MTA3: variants seen among roughly 807,000 people sequenced by gnomAD.
MTA3 encodes the protein metastasis associated 1 family member 3.
A neutral mutation model predicts 83.5 loss-of-function variants in MTA3; 34 were observed. The observed-to-expected ratio is 0.41, with a 90% CI of 0.31 to 0.54. MTA3 has a LOEUF of 0.54. Ranked by LOEUF, MTA3 falls within the 20% of genes least tolerant of loss-of-function variation. MTA3 has a pLI of 0.33. For synonymous variants in MTA3, 303 were observed against 252.7 expected (o/e 1.20, Z -1.89); for missense variants, 761 against 726.4 (o/e 1.05, Z -0.55).
intron 16 of MTA3, among the ~76,000 whole-genome samples, chr2:42,731,119 TATTG>T (rs1338535446): frequency 1.3e-5 from 2 of 152,212 alleles, no homozygotes; most frequent in African/African-American, 4.8e-5. Context: ...GCTAAAGGTT[TATTG>T]ATTTTGTTTA....
chr2:42,651,704 C>T (rs752644751), intron 6 of MTA3, among the ~76,000 whole-genome samples: 1 of 150,036 alleles, frequency 6.7e-6, no homozygotes, highest in East Asian at 2.0e-4. Flanking sequence ...AGGCTGAGGC[C>T]GGAGAATCAC....
intron 4 of MTA3, among the ~76,000 whole-genome samples, chr2:42,620,533 C>T (rs1471768216): frequency 6.6e-6 from 1 of 152,178 alleles, no homozygotes; most frequent in Non-Finnish European, 1.5e-5. Context: ...CGCTCTGTTG[C>T]TCAGGCTAGA....
chr2:42,710,405 G>A (rs1666496682), intron 14 of MTA3, among the ~76,000 whole-genome samples: 1 of 152,152 alleles, frequency 6.6e-6, no homozygotes, highest in South Asian at 2.1e-4. Flanking sequence ...ACAAAAATTA[G>A]CCAGGCGTGG....
At chr2:42,568,003 C>G (rs2103815192), upstream of MTA3, 1 of 152,326 alleles carries the variant, frequency 6.6e-6, no homozygotes, top group East Asian at 1.9e-4. Context: ...TTAGGGTGGC[C>G]TAGGAAGGGA....
chr2:42,524,175 A>T (rs1675559903), intron 2 of MTA3, among the ~76,000 whole-genome samples: 2 of 152,164 alleles, frequency 1.3e-5, no homozygotes. Context: ...CATTGGAGAC[A>T]CAAAGTAGTT....
intron 15 of MTA3, among the ~76,000 whole-genome samples, chr2:42,719,818 T>C (rs1448910791): frequency 3.3e-5 from 5 of 152,186 alleles, no homozygotes; most frequent in Non-Finnish European, 5.9e-5. Context: ...CAATTAAGAA[T>C]AGTATACAAA....
intron 6 of MTA3, among the ~76,000 whole-genome samples, chr2:42,648,116 C>T (rs1442408617): frequency 6.6e-6 from 1 of 152,252 alleles, no homozygotes; most frequent in African/African-American, 2.4e-5. Context: ...GCTGGGATTA[C>T]AGGCATGAGC....
At chr2:42,645,833 C>T (rs1289655594) in intron 6 of MTA3, among the ~76,000 whole-genome samples, 2 of 152,158 alleles carry the variant, frequency 1.3e-5, no homozygotes, top group Admixed American at 6.5e-5. Flanking sequence ...AGCTGCAGCA[C>T]GTTATCCAAA....
In MTA3 at chr2:42,708,962, C is replaced by T; in HGVS notation, c.1391C>T (p.Thr464Ile). ...GGGAGTCCAAAGTCTGCAGTGAAGA[C>T]CCGCCAAGCTTTCTTCCTTCATACT... ...NTGSPKSAVK[T>I]RQAFFLHTTY... The change falls in exon 14 of 17, where the codon ACC becomes ATC. Residue 464 changes from threonine (T) to isoleucine (I), a missense_variant. By Grantham distance (89) the Thr-to-Ile change is moderately conservative (BLOSUM62 -1). Transcript: ENST00000405094. 6.2e-7 allele frequency: 1 copy of T among 1,614,034 alleles called. No individual in the cohort carries two copies. Among genetic ancestry groups the T allele is most frequent in the Non-Finnish European group, 8.5e-7 (1 of 1,179,892 alleles).
Position 42,639,135 on chromosome 2 carries a change from A to G in MTA3, c.318-1038A>G, listed in dbSNP as rs554492319. ...GAGTGCAGTGGCACGATCTCGGCTCACTGCAACCTCTGCCTCTGGGGTTCA... is the reference window on the plus strand; with the variant it reads ...GAGTGCAGTGGCACGATCTCGGCTCGCTGCAACCTCTGCCTCTGGGGTTCA... On this transcript the variant is annotated intron_variant, in intron 4 of 16. Coordinates refer to ENST00000405094, the MANE Select transcript of MTA3 (RefSeq NM_001330442.2). Among the ~76,000 whole-genome samples the G allele has an allele frequency of 2.0e-5, 3 of 148,240 alleles. No homozygotes were observed. In the South Asian group the frequency reaches 6.3e-4, roughly 31 times the overall value.
Position 42,722,989 on chromosome 2 carries a change from G to T in MTA3, c.1713G>T (p.Leu571=). The T allele has an allele frequency of 6.4e-7, 1 of 1,551,072 alleles. No homozygotes were observed. Among genetic ancestry groups the T allele is most frequent in the Non-Finnish European group, 8.7e-7 (1 of 1,147,102 alleles). The change falls in exon 16 of 17, where the codon CTG becomes CTT. Residue 571 remains leucine, a synonymous_variant. Coordinates refer to ENST00000405094, the MANE Select transcript of MTA3 (RefSeq NM_001330442.2). ...RMLTTPNHTS[L]SILGKRNYSH... Reference sequence around the variant, plus strand: ...TAACAACTCCAAATCACACATCTCTGAGCATTCTGGGGAAAAGAAACTACA... The same window carrying T: ...TAACAACTCCAAATCACACATCTCTTAGCATTCTGGGGAAAAGAAACTACA...
chr2:42,742,909 A>T (rs1206960698), intron 16 of MTA3, among the ~76,000 whole-genome samples: 1 of 152,202 alleles, frequency 6.6e-6, no homozygotes, highest in East Asian at 1.9e-4. Flanking sequence ...TTATATTCCA[A>T]TGGATGTTTG....
chr2:42,570,588 G>C, intron 2 of MTA3, 84 bp downstream of exon 2: 2 of 732,924 alleles, frequency 2.7e-6, no homozygotes, highest in Non-Finnish European at 2.1e-6. Context: ...GGCCTGGTGT[G>C]GGGGCTCATG....
chr2:42,651,325 C>T (rs1688696691), intron 6 of MTA3, among the ~76,000 whole-genome samples: 1 of 152,182 alleles, frequency 6.6e-6, no homozygotes, highest in South Asian at 2.1e-4. Context: ...TTAGGCTATA[C>T]TAATTTTATT....
intron 2 of MTA3, among the ~76,000 whole-genome samples, chr2:42,547,308 C>G (rs1168023751): frequency 6.6e-6 from 1 of 152,152 alleles, no homozygotes; most frequent in Non-Finnish European, 1.5e-5. Context: ...GAACAGCTGG[C>G]TTGGTTACAG....
intron 3 of MTA3, among the ~76,000 whole-genome samples, chr2:42,597,870 C>T (rs1453247958): frequency 1.3e-5 from 2 of 149,122 alleles, no homozygotes; most frequent in African/African-American, 4.9e-5. Flanking sequence ...TTTGTAGAGA[C>T]AGGGTTTTGC....
At chr2:42,621,132 G>GTTTTT (rs3039328) in intron 4 of MTA3, among the ~76,000 whole-genome samples, 2 of 137,388 alleles carry the variant, frequency 1.5e-5, no homozygotes, top group South Asian at 2.3e-4. Context: ...TCTTATTAGA[G>GTTTTT]TTTTTTTTTT....
chr2:42,725,444 A>G lies in MTA3; in HGVS notation c.1759+2409A>G, dbSNP rs1376649522. On this transcript the variant is annotated intron_variant, in intron 16 of 16. Transcript: ENST00000405094. ...AGGTTCTATCAGCAAAGTAGAAACTATATAAGTTATTTCAACAGCTAATTT... is the reference window on the plus strand; with the variant it reads ...AGGTTCTATCAGCAAAGTAGAAACTGTATAAGTTATTTCAACAGCTAATTT... 2.0e-5 allele frequency among the ~76,000 whole-genome samples: 3 copies of G among 152,246 alleles called. No homozygotes were observed. The East Asian group carries it at 5.8e-4, about 29-fold the overall frequency.
At chr2:42,624,398 T>C (rs1685879361) in intron 4 of MTA3, among the ~76,000 whole-genome samples, 1 of 152,152 alleles carries the variant, frequency 6.6e-6, no homozygotes, top group African/African-American at 2.4e-5. Flanking sequence ...CTTGGCTCAC[T>C]GCAACCTCCA....
Sources: allele counts gnomAD v4.1 joint callset (sites outside exome capture counted in the v4.1 genomes callset), GRCh38; gene constraint gnomAD v4.1.1; transcripts MANE v1.5; gene names NCBI Gene and HGNC (gene_info 2026-07-23, HGNC 2026-07-21).